PRKN: variants seen among roughly 807,000 people sequenced by gnomAD.
PRKN encodes E3 ubiquitin-protein ligase parkin.
PRKN carries 56 observed loss-of-function variants against 59.5 expected under a neutral mutation model. The ratio of observed to expected loss-of-function variants is 0.94; its 90% CI spans 0.76 to 1.18. The LOEUF (loss-of-function observed/expected upper bound fraction) is 1.18. Ranked by LOEUF, PRKN falls within the 50% of genes most tolerant of loss-of-function variation. PRKN has a pLI of 0.00. For synonymous variants in PRKN, 250 were observed against 222.1 expected (o/e 1.13, Z -1.12); for missense variants, 657 against 596.4 (o/e 1.10, Z -1.06).
intron 7 of PRKN, among the ~76,000 whole-genome samples, chr6:161,706,111 C>A (rs1244154026): frequency 6.6e-6 from 1 of 152,012 alleles, no homozygotes; most frequent in Non-Finnish European, 1.5e-5. Context: ...TTTCCCCCCA[C>A]ATCCTCAATT....
At chr6:162,002,523 T>C (rs1310608305) in intron 5 of PRKN, among the ~76,000 whole-genome samples, 1 of 152,136 alleles carries the variant, frequency 6.6e-6, no homozygotes, top group African/African-American at 2.4e-5. Flanking sequence ...GTAATTTGTG[T>C]TTCCTTTCTT....
intron 5 of PRKN, among the ~76,000 whole-genome samples, chr6:161,988,533 T>TC (rs1781524490): frequency 6.6e-6 from 1 of 151,168 alleles, no homozygotes; most frequent in South Asian, 2.1e-4. Flanking sequence ...AAAAGAAAAA[T>TC]TTTCAGGAAA....
intron 9 of PRKN, among the ~76,000 whole-genome samples, chr6:161,542,887 T>G (rs1184614109): frequency 6.6e-6 from 1 of 152,106 alleles, no homozygotes; most frequent in African/African-American, 2.4e-5. Flanking sequence ...TAGATTTTAA[T>G]CTCTAGTCTT....
intron 6 of PRKN, among the ~76,000 whole-genome samples, chr6:161,789,740 A>C (rs1790564285): frequency 6.6e-6 from 1 of 152,238 alleles, no homozygotes; most frequent in Admixed American, 6.5e-5. Context: ...GAAATTGTAG[A>C]GACCCTACTT....
At position 161,393,840 on chromosome 6, in the gene PRKN, C is replaced by T. The variant is rs1786625021; in HGVS notation, c.1084-6963G>A. 6.6e-6 allele frequency among the ~76,000 whole-genome samples: 1 copy of T among 152,126 alleles called. No homozygotes were observed. The highest frequency in any genetic ancestry group is 1.5e-5 in the Non-Finnish European group (1 of 68,020). On this transcript the variant is annotated intron_variant, in intron 9 of 11. Coordinates refer to ENST00000366898, the MANE Select transcript of PRKN (RefSeq NM_004562.3). The surrounding 1 kb of genome is among the most constrained non-coding windows in gnomAD (Gnocchi z 4.7). The stretch of plus-strand genomic sequence containing the variant: ...ATTATGTGCATTTATTTTTCTTCCA[C>T]GGCTCTGAAATTCTGTGTTAAAAGA...
At chr6:162,356,328 C>A (rs374725645) in intron 2 of PRKN, among the ~76,000 whole-genome samples, 24 of 151,882 alleles carry the variant, frequency 1.6e-4, no homozygotes, top group Admixed American at 1.1e-3. Flanking sequence ...CTTTCATAGC[C>A]GTCCCCCCAC....
chr6:162,659,854 G>T (rs1778810523), intron 1 of PRKN, among the ~76,000 whole-genome samples: 1 of 152,050 alleles, frequency 6.6e-6, no homozygotes, highest in Non-Finnish European at 1.5e-5. Flanking sequence ...TAAAAGTGAG[G>T]ACACCCAAAT....
intron 6 of PRKN, among the ~76,000 whole-genome samples, chr6:161,913,171 A>G (rs996991553): frequency 1.6e-4 from 11 of 70,286 alleles, no homozygotes; most frequent in African/African-American, 2.1e-4. Flanking sequence ...CCATCTCAGG[A>G]AAAAAAAAAA....
chr6:161,840,776 G>C (rs1792952762), intron 6 of PRKN, among the ~76,000 whole-genome samples: 1 of 152,118 alleles, frequency 6.6e-6, no homozygotes. Flanking sequence ...CCCTGCAAGG[G>C]AAATGGTCTC....
chr6:161,889,911 A>C (rs1297933982), intron 6 of PRKN, among the ~76,000 whole-genome samples: 1 of 152,166 alleles, frequency 6.6e-6, no homozygotes, highest in Non-Finnish European at 1.5e-5. Context: ...TATTGCTAAG[A>C]AGCTTAAAAT....
chr6:162,651,368 T>C (rs964775488), intron 1 of PRKN, among the ~76,000 whole-genome samples: 1 of 152,152 alleles, frequency 6.6e-6, no homozygotes, highest in African/African-American at 2.4e-5. Context: ...ACTCTGTAAG[T>C]CTGAAAATAA....
chr6:161,733,967 CA>C, intron 7 of PRKN, among the ~76,000 whole-genome samples: 1 of 24,906 alleles, frequency 4.0e-5, no homozygotes, highest in Middle Eastern at 0.022. Context: ...TTTACACACA[CA>C]CACACACACA....
intron 2 of PRKN, among the ~76,000 whole-genome samples, chr6:162,433,487 T>C (rs1389869227): frequency 1.3e-5 from 2 of 152,172 alleles, no homozygotes; most frequent in African/African-American, 4.8e-5. Context: ...GATGGCATCA[T>C]AAAACTCCCT....
intron 2 of PRKN, among the ~76,000 whole-genome samples, chr6:162,279,072 T>G (rs1780763410): frequency 6.6e-6 from 1 of 152,160 alleles, no homozygotes; most frequent in South Asian, 2.1e-4. Flanking sequence ...GGCTCACGGC[T>G]GTAATCTCAG....
intron 10 of PRKN, among the ~76,000 whole-genome samples, chr6:161,381,557 T>C (rs1039320981): frequency 6.6e-6 from 1 of 152,240 alleles, no homozygotes; most frequent in Non-Finnish European, 1.5e-5. Flanking sequence ...TTTTCTAATT[T>C]AGGAGGCAGA....
chr6:162,683,332 A>C (rs1330213393), intron 1 of PRKN, among the ~76,000 whole-genome samples: 1 of 152,184 alleles, frequency 6.6e-6, no homozygotes, highest in Non-Finnish European at 1.5e-5. Flanking sequence ...CAGACAGCAG[A>C]GAGAACATTT....
At chr6:162,150,546 C>T (rs1329750927) in intron 4 of PRKN, among the ~76,000 whole-genome samples, 4 of 152,108 alleles carry the variant, frequency 2.6e-5, no homozygotes, top group African/African-American at 7.2e-5. Flanking sequence ...CTCCAGAAAA[C>T]GCAGCACAGT....
chr6:162,588,921 G>T (rs531042080), intron 1 of PRKN, among the ~76,000 whole-genome samples: 1 of 152,102 alleles, frequency 6.6e-6, no homozygotes, highest in African/African-American at 2.4e-5. Context: ...CCTGGCACAC[G>T]GTGGGTGCGC....
At chr6:162,107,585 A>T (rs75241152) in intron 4 of PRKN, among the ~76,000 whole-genome samples, 1 of 152,316 alleles carries the variant, frequency 6.6e-6, no homozygotes, top group Non-Finnish European at 1.5e-5. Context: ...AGCATGGCCC[A>T]GTCAGCAACT....
Sources: allele counts gnomAD v4.1 joint callset (sites outside exome capture counted in the v4.1 genomes callset), GRCh38; gene constraint gnomAD v4.1.1; non-coding constraint Gnocchi (gnomAD v3.1); transcripts MANE v1.5; gene names NCBI Gene and HGNC (gene_info 2026-07-23, HGNC 2026-07-21).